CCDC85A: variants seen among roughly 807,000 people sequenced by gnomAD.
CCDC85A encodes coiled-coil domain-containing protein 85A.
In CCDC85A, 38 loss-of-function variants were observed where a neutral mutation model predicts 50.2. The observed-to-expected ratio is 0.76, with a 90% CI of 0.58 to 0.99. CCDC85A has a LOEUF of 0.99. CCDC85A is among the 50% of genes least tolerant of loss of function. The pLI, the probability that CCDC85A is intolerant of heterozygous loss-of-function variation, is 0.00. For synonymous variants in CCDC85A, 366 were observed against 301.4 expected (o/e 1.21, Z -2.22); for missense variants, 820 against 742.0 (o/e 1.11, Z -1.22).
At chr2:56,188,367 C>T (rs1023881999) in intron 1 of CCDC85A, among the ~76,000 whole-genome samples, 1 of 152,198 alleles carries the variant, frequency 6.6e-6, no homozygotes, top group Non-Finnish European at 1.5e-5. Flanking sequence ...CCAATACTCA[C>T]TCCTATCTAC....
In CCDC85A at chr2:56,184,241, G is replaced by C; in HGVS notation, c.-384G>C. On this transcript the variant is annotated 5_prime_UTR_variant, in exon 1 of 6. Coordinates refer to ENST00000407595, the MANE Select transcript of CCDC85A (RefSeq NM_001080433.2). ...CGCCTGTGTGCAGGGCAGAGAGTGC[G>C]GGGGGCGACAGTCTCGGCTTAGGGC... 1.0e-6 allele frequency: 1 copy of C among 956,540 alleles called. No homozygotes were observed. Among genetic ancestry groups the C allele is most frequent in the Non-Finnish European group, 1.3e-6 (1 of 795,582 alleles). 59.3% of individuals were successfully genotyped at this position (956,540 alleles called of 1,614,324 possible).
intron 3 of CCDC85A, among the ~76,000 whole-genome samples, chr2:56,362,123 C>T (rs969501589): frequency 2.6e-5 from 4 of 152,138 alleles, no homozygotes; most frequent in African/African-American, 9.7e-5. Flanking sequence ...AGGAACTACT[C>T]ACAGAGACTA....
At chr2:56,237,368 C>T in intron 2 of CCDC85A, among the ~76,000 whole-genome samples, 1 of 152,118 alleles carries the variant, frequency 6.6e-6, no homozygotes, top group East Asian at 1.9e-4. Flanking sequence ...GTACAGGAGG[C>T]AGAAAGCAGG....
chr2:56,207,724 A>C (rs1046254940), intron 2 of CCDC85A, among the ~76,000 whole-genome samples: 1 of 152,052 alleles, frequency 6.6e-6, no homozygotes, highest in African/African-American at 2.4e-5. Context: ...TCTTTATTTC[A>C]TCATGCCTTA....
intron 2 of CCDC85A, among the ~76,000 whole-genome samples, chr2:56,310,579 C>A (rs1672645399): frequency 6.6e-6 from 1 of 152,138 alleles, no homozygotes; most frequent in African/African-American, 2.4e-5. Flanking sequence ...ACCAGTCAAG[C>A]AAATGACAAC....
At chr2:56,261,813 G>A (rs570422240) in intron 2 of CCDC85A, among the ~76,000 whole-genome samples, 13 of 152,156 alleles carry the variant, frequency 8.5e-5, no homozygotes, top group African/African-American at 2.9e-4. Flanking sequence ...TGTTGTAGGT[G>A]AAGTGGATGT....
intron 3 of CCDC85A, among the ~76,000 whole-genome samples, chr2:56,344,941 G>A (rs964416453): frequency 1.5e-4 from 23 of 150,492 alleles, no homozygotes; most frequent in Non-Finnish European, 2.8e-4. Context: ...AAAAAAAAAA[G>A]AGGCACAACA....
chr2:56,224,060 A>G (rs975723013), intron 2 of CCDC85A, among the ~76,000 whole-genome samples: 1 of 152,222 alleles, frequency 6.6e-6, no homozygotes, highest in African/African-American at 2.4e-5. Flanking sequence ...TGACTTTAGA[A>G]CATTTTTATC....
chr2:56,184,109 G>T lies in CCDC85A; in HGVS notation c.-516G>T, dbSNP rs1294585780. 8 of 975,596 alleles carry T rather than the reference G, an allele frequency of 8.2e-6. No individual in the cohort carries two copies. The highest frequency in any genetic ancestry group is 8.5e-6 in the Non-Finnish European group (7 of 820,952). 60.4% of individuals were successfully genotyped at this position (975,596 alleles called of 1,614,324 possible). On this transcript the variant is annotated 5_prime_UTR_variant, in exon 1 of 6. Transcript: ENST00000407595. ...TCGGGCAGCCGCGGCGGCGTCGCTA[G>T]AGCAGCCGGGGAGGCGCCGCGGTGC...
At chr2:56,264,914 A>C (rs889623446) in intron 2 of CCDC85A, among the ~76,000 whole-genome samples, 16 of 152,126 alleles carry the variant, frequency 1.1e-4, no homozygotes, top group African/African-American at 3.9e-4. Flanking sequence ...AGGTACTTGC[A>C]TGATTCAGGA....
chr2:56,253,672 G>A (rs1669864727), intron 2 of CCDC85A, among the ~76,000 whole-genome samples: 1 of 152,172 alleles, frequency 6.6e-6, no homozygotes, highest in African/African-American at 2.4e-5. Flanking sequence ...CCTAGTCAAG[G>A]CTGATGGTAG....
intron 2 of CCDC85A, among the ~76,000 whole-genome samples, chr2:56,338,442 A>C (rs1674190319): frequency 6.6e-6 from 1 of 152,160 alleles, no homozygotes; most frequent in African/African-American, 2.4e-5. Flanking sequence ...AGGGGGTTGC[A>C]GCGGATGTGG....
intron 5 of CCDC85A, among the ~76,000 whole-genome samples, chr2:56,378,269 GAAAACGCTAGGCTTTATA>G (rs1676431918): frequency 6.6e-6 from 1 of 151,506 alleles, no homozygotes; most frequent in East Asian, 1.9e-4. Context: ...AGATTTTATA[GAAAACGCTAGGCTTTATA>G]AAATCTGTGG....
In CCDC85A at chr2:56,318,847, A is replaced by G. The variant is rs146171127; in HGVS notation, c.1241-24032A>G. ...TAGTGCTCCATGCAGTAGTCAGTGC[A>G]CTCAATGAAAACTGCTCTTTCTTGC... On this transcript the variant is annotated intron_variant, in intron 2 of 5. Transcript: ENST00000407595. Among the ~76,000 whole-genome samples the G allele has an allele frequency of 1.8e-3, 271 of 152,230 alleles. 2 individuals carry two copies. The highest frequency in any genetic ancestry group is 6.6e-3 in the Admixed American group (100 of 15,264).
intron 2 of CCDC85A, among the ~76,000 whole-genome samples, chr2:56,213,190 G>C (rs1160818746): frequency 6.6e-6 from 1 of 151,992 alleles, no homozygotes; most frequent in South Asian, 2.1e-4. Flanking sequence ...TTTTGTGTCA[G>C]CTCTGACAGC....
intron 2 of CCDC85A, among the ~76,000 whole-genome samples, chr2:56,252,733 C>G (rs941567219): frequency 6.6e-6 from 1 of 152,120 alleles, no homozygotes; most frequent in African/African-American, 2.4e-5. Context: ...TGTGATGTTC[C>G]CCTCCCTGTG....
At position 56,372,277 on chromosome 2, in the gene CCDC85A, C is replaced by G; in HGVS notation, c.1318-67C>G. On this transcript the variant is annotated intron_variant, in intron 3 of 5. Transcript: ENST00000407595. ...CATCTCATTAAGCTTCATGTTCTAT[C>G]TGCTTTCTTGAGACTTGGGAAACAG... is the stretch of plus-strand genomic sequence containing the variant. The G allele has an allele frequency of 5.7e-6, 8 of 1,415,626 alleles. No individual in the cohort carries two copies. In the South Asian group the frequency reaches 1.3e-4, roughly 23 times the overall value. 87.7% of individuals were successfully genotyped at this position (1,415,626 alleles called of 1,614,324 possible).
intron 2 of CCDC85A, among the ~76,000 whole-genome samples, chr2:56,282,644 G>C (rs1671254815): frequency 6.6e-6 from 1 of 152,176 alleles, no homozygotes; most frequent in Non-Finnish European, 1.5e-5. Context: ...CAGGTAGCTG[G>C]GATTACAGGC....
At chr2:56,258,940 G>A (rs1670102157) in intron 2 of CCDC85A, among the ~76,000 whole-genome samples, 2 of 152,166 alleles carry the variant, frequency 1.3e-5, no homozygotes, top group Admixed American at 1.3e-4. Context: ...TGGAGCTAAG[G>A]CTTTTGAGAA....
Sources: allele counts gnomAD v4.1 joint callset (sites outside exome capture counted in the v4.1 genomes callset), GRCh38; gene constraint gnomAD v4.1.1; transcripts MANE v1.5; gene names NCBI Gene and HGNC (gene_info 2026-07-23, HGNC 2026-07-21).